Variants in ARHGEF26 observed in about 807,000 individuals in gnomAD.
The protein encoded by ARHGEF26 is Rho guanine nucleotide exchange factor 26.
In ARHGEF26, 59 loss-of-function variants were observed where a neutral mutation model predicts 89.4. The observed-to-expected ratio is 0.66, with a 90% CI of 0.54 to 0.82. ARHGEF26 has a LOEUF of 0.82. Ranked by LOEUF, ARHGEF26 falls within the 40% of genes least tolerant of loss-of-function variation. The pLI is 0.00. For missense variants in ARHGEF26, 1,234 were observed against 1,085.6 expected (o/e 1.14, Z -1.92); for synonymous variants, 500 against 428.4 (o/e 1.17, Z -2.06).
chr3:154,233,665 G>A (rs1381581563), intron 11 of ARHGEF26, among the ~76,000 whole-genome samples: 1 of 152,168 alleles, frequency 6.6e-6, no homozygotes, highest in Non-Finnish European at 1.5e-5. Context: ...TGTCACAGAA[G>A]GCATTAGAAG....
chr3:154,123,776 G>T (rs1474168357), intron 2 of ARHGEF26, among the ~76,000 whole-genome samples: 2 of 152,108 alleles, frequency 1.3e-5, no homozygotes, highest in Non-Finnish European at 1.5e-5. Flanking sequence ...ACACTGTGTG[G>T]TATTGCTCCC....
chr3:154,243,482 G>A (rs1717597646), intron 12 of ARHGEF26, among the ~76,000 whole-genome samples: 1 of 152,238 alleles, frequency 6.6e-6, no homozygotes. Flanking sequence ...CTTATTTCAC[G>A]CCAAGGCTAG....
intron 6 of ARHGEF26, among the ~76,000 whole-genome samples, chr3:154,186,533 G>T (rs1033872896): frequency 6.6e-6 from 1 of 151,986 alleles, no homozygotes; most frequent in Non-Finnish European, 1.5e-5. Flanking sequence ...AGCCAAGGTG[G>T]GTAGATCAGT....
rs35377864 is a variant in ARHGEF26, at chr3:154,256,539, C to G, written c.*1066C>G. 3 of 917,582 alleles carry G rather than the reference C, an allele frequency of 3.3e-6. No homozygotes were observed. The highest frequency in any genetic ancestry group is 3.8e-6 in the Non-Finnish European group (3 of 799,936). 56.8% of individuals were successfully genotyped at this position (917,582 alleles called of 1,614,324 possible). On this transcript the variant is annotated 3_prime_UTR_variant, in exon 15 of 15. Transcript: ENST00000465093. ...TGAGCCACCGTGCCCAGCCTACTTT[C>G]TAATTAATTAAAAAAAAAAAAAAAA...
At chr3:154,209,205 A>G (rs532549440) in intron 9 of ARHGEF26, among the ~76,000 whole-genome samples, 1 of 152,268 alleles carries the variant, frequency 6.6e-6, no homozygotes, top group African/African-American at 2.4e-5. Context: ...CAACACAGCT[A>G]TTTTGAACTC....
intron 5 of ARHGEF26, among the ~76,000 whole-genome samples, chr3:154,151,546 G>A (rs746427834): frequency 3.3e-5 from 5 of 152,102 alleles, no homozygotes; most frequent in Admixed American, 6.6e-5. Flanking sequence ...TTATTGTATT[G>A]ATTGAAAAAA....
intron 9 of ARHGEF26, among the ~76,000 whole-genome samples, chr3:154,209,066 C>T (rs760185473): frequency 3.9e-4 from 59 of 152,054 alleles, no homozygotes; most frequent in African/African-American, 1.1e-3. Flanking sequence ...TGTGCCTGGC[C>T]GCCAGTTGCA....
At chr3:154,231,508 T>G (rs756381538) in intron 11 of ARHGEF26, among the ~76,000 whole-genome samples, 42 of 152,180 alleles carry the variant, frequency 2.8e-4, no homozygotes, top group Non-Finnish European at 5.9e-4. Flanking sequence ...ATAATGCACA[T>G]AAAGCTCTTA....
chr3:154,128,969 A>G (rs1576679907), intron 3 of ARHGEF26, among the ~76,000 whole-genome samples: 1 of 152,120 alleles, frequency 6.6e-6, no homozygotes, highest in Admixed American at 6.5e-5. Flanking sequence ...GCTCCTGAAT[A>G]TTGAGATTTT....
intron 9 of ARHGEF26, among the ~76,000 whole-genome samples, chr3:154,217,015 A>G (rs1379549095): frequency 1.4e-5 from 2 of 141,676 alleles, no homozygotes; most frequent in Non-Finnish European, 3.0e-5. Flanking sequence ...GTGTCTTTAT[A>G]GCAGCATGAT....
At chr3:154,156,834 A>G (rs1464819522) in intron 6 of ARHGEF26, among the ~76,000 whole-genome samples, 1 of 152,214 alleles carries the variant, frequency 6.6e-6, no homozygotes, top group Non-Finnish European at 1.5e-5. Flanking sequence ...CAGTGTCTGA[A>G]TTAGATATTA....
chr3:154,246,789 C>T (rs1717825236), intron 12 of ARHGEF26, among the ~76,000 whole-genome samples: 1 of 152,150 alleles, frequency 6.6e-6, no homozygotes, highest in Admixed American at 6.5e-5. Flanking sequence ...GAGACAAAAA[C>T]AACAGGACCA....
rs774425770 is a variant in ARHGEF26, at chr3:154,122,325, C to T, written c.333C>T (p.Pro111=). The change falls in exon 2 of 15, where the codon CCC becomes CCT. Residue 111 remains proline, a synonymous_variant. Transcript: ENST00000465093. ...YRAASPRLRR[P]KSPKLPKAVP... Reference sequence around the variant, plus strand: ...CTGCCTCTCCTCGACTTCGACGGCCCAAGTCACCCAAGCTCCCCAAAGCGG... The same window carrying T: ...CTGCCTCTCCTCGACTTCGACGGCCTAAGTCACCCAAGCTCCCCAAAGCGG... 3.1e-6 allele frequency: 5 copies of T among 1,612,694 alleles called. No homozygotes were observed. In the Admixed American group the frequency reaches 5.0e-5, roughly 16 times the overall value.
At chr3:154,134,809 A>G (rs1047091094) in intron 4 of ARHGEF26, among the ~76,000 whole-genome samples, 1 of 148,726 alleles carries the variant, frequency 6.7e-6, no homozygotes, top group Non-Finnish European at 1.5e-5. Flanking sequence ...GAATTTTATC[A>G]AAAGCCTTTT....
chr3:154,222,145 C>T (rs975975388), intron 10 of ARHGEF26, among the ~76,000 whole-genome samples: 1 of 152,164 alleles, frequency 6.6e-6, no homozygotes, highest in African/African-American at 2.4e-5. Context: ...AGATTCAAAT[C>T]TTTGACTCCA....
intron 9 of ARHGEF26, among the ~76,000 whole-genome samples, chr3:154,197,135 T>C (rs911273427): frequency 6.6e-6 from 1 of 152,170 alleles, no homozygotes; most frequent in Non-Finnish European, 1.5e-5. Context: ...AAAGCTATCA[T>C]GTGAAGAGAT....
At chr3:154,243,544 T>A (rs1717600706) in intron 12 of ARHGEF26, among the ~76,000 whole-genome samples, 1 of 152,220 alleles carries the variant, frequency 6.6e-6, no homozygotes, top group Non-Finnish European at 1.5e-5. Context: ...TGCCTTTTAA[T>A]CTTGCCAAAG....
intron 11 of ARHGEF26, among the ~76,000 whole-genome samples, chr3:154,231,810 G>C (rs1716840540): frequency 6.6e-6 from 1 of 151,928 alleles, no homozygotes; most frequent in Admixed American, 6.6e-5. Flanking sequence ...TGAAACCCAT[G>C]TCAGGCGGCA....
chr3:154,181,305 CA>C (rs1248619714), intron 6 of ARHGEF26, among the ~76,000 whole-genome samples: 14 of 152,144 alleles, frequency 9.2e-5, no homozygotes, highest in Non-Finnish European at 7.3e-5. Flanking sequence ...TATATAACAA[CA>C]ACTTAGACAT....
Sources: gnomAD v4.1 joint callset for allele counts (sites outside exome capture counted in the v4.1 genomes callset) on GRCh38, gnomAD v4.1.1 for gene constraint, MANE v1.5 for transcripts, NCBI Gene and HGNC (gene_info 2026-07-23, HGNC 2026-07-21) for gene names.